EYS: variants seen among roughly 807,000 people sequenced by gnomAD.
The protein encoded by EYS is protein eyes shut homolog.
A neutral mutation model predicts 282.1 loss-of-function variants in EYS; 250 were observed. That is an observed-to-expected ratio of 0.89 (90% CI 0.80 to 0.98). The LOEUF (loss-of-function observed/expected upper bound fraction) is 0.98, where lower values mean the gene tolerates loss of function less well. Ranked by LOEUF, EYS falls within the 50% of genes least tolerant of loss-of-function variation. EYS has a pLI of 0.00. For missense variants in EYS, 4,016 were observed against 3,709.0 expected, an observed-to-expected ratio of 1.08 and a Z score of -2.15; for synonymous variants, 1,355 against 1,282.9, an observed-to-expected ratio of 1.06 and a Z score of -1.20.
At chr6:63,990,301 T>G (rs1767547980) in intron 34 of EYS, among the ~76,000 whole-genome samples, 1 of 151,558 alleles carries the variant, frequency 6.6e-6, no homozygotes, top group Admixed American at 6.6e-5. Flanking sequence ...GAGAGGAATT[T>G]AGAAAACAGT....
chr6:65,640,898 C>T (rs1435915692), intron 1 of EYS, among the ~76,000 whole-genome samples: 1 of 151,446 alleles, frequency 6.6e-6, no homozygotes, highest in African/African-American at 2.4e-5. Flanking sequence ...TTTTTTTTAC[C>T]CTTGGCCAGT....
intron 35 of EYS, among the ~76,000 whole-genome samples, chr6:63,970,859 T>C (rs1021490926): frequency 2.6e-5 from 4 of 152,186 alleles, no homozygotes; most frequent in Non-Finnish European, 5.9e-5. Context: ...TAAAGTATAA[T>C]TTCATAATGG....
chr6:64,151,889 T>G (rs976833467), intron 31 of EYS, among the ~76,000 whole-genome samples: 1 of 152,140 alleles, frequency 6.6e-6, no homozygotes, highest in Non-Finnish European at 1.5e-5. Context: ...AAATATAGAT[T>G]AAAATGGCAC....
At chr6:63,874,393 C>T (rs951091443) in intron 35 of EYS, among the ~76,000 whole-genome samples, 14 of 152,022 alleles carry the variant, frequency 9.2e-5, no homozygotes, top group African/African-American at 2.7e-4. Flanking sequence ...TTTTTGTTAC[C>T]ATAGCCTTGT....
At chr6:65,190,338 T>C (rs1765611610) in intron 12 of EYS, among the ~76,000 whole-genome samples, 1 of 148,864 alleles carries the variant, frequency 6.7e-6, no homozygotes, top group Admixed American at 6.8e-5. Context: ...TTATATTTTA[T>C]ATGAAATATA....
intron 37 of EYS, among the ~76,000 whole-genome samples, chr6:63,800,368 A>C (rs1011632353): frequency 6.6e-6 from 1 of 152,198 alleles, no homozygotes; most frequent in Admixed American, 6.5e-5. Flanking sequence ...TTCTTTAAAA[A>C]ACTGTTGAGT....
intron 26 of EYS, among the ~76,000 whole-genome samples, chr6:64,497,061 T>C (rs1297651044): frequency 6.6e-6 from 1 of 152,104 alleles, no homozygotes; most frequent in Non-Finnish European, 1.5e-5. Context: ...CCCAGTTTAA[T>C]TAAATATATA....
At chr6:64,676,351 T>TAGAGAGAGAG (rs763594847) in intron 22 of EYS, among the ~76,000 whole-genome samples, 10 of 145,462 alleles carry the variant, frequency 6.9e-5, no homozygotes, top group Non-Finnish European at 1.4e-4. Context: ...TATATATATA[T>TAGAGAGAGAG]AGAGAGAGAG....
intron 2 of EYS, among the ~76,000 whole-genome samples, chr6:65,626,413 C>G (rs1766693762): frequency 6.6e-6 from 1 of 152,116 alleles, no homozygotes; most frequent in Non-Finnish European, 1.5e-5. Context: ...TTAGTAATCT[C>G]ATATCACTGG....
At chr6:64,687,615 G>T (rs1052023575) in intron 22 of EYS, among the ~76,000 whole-genome samples, 1 of 152,096 alleles carries the variant, frequency 6.6e-6, no homozygotes, top group Non-Finnish European at 1.5e-5. Context: ...GGCTGGATTC[G>T]GTTTGCCAGT....
intron 12 of EYS, among the ~76,000 whole-genome samples, chr6:65,152,652 A>AT (rs1764640056): frequency 1.3e-5 from 2 of 151,898 alleles, no homozygotes; most frequent in Admixed American, 1.3e-4. Context: ...AGTTTGTGGT[A>AT]TTTTGTTATA....
At chr6:64,485,233 G>T (rs941152496) in intron 26 of EYS, among the ~76,000 whole-genome samples, 1 of 151,560 alleles carries the variant, frequency 6.6e-6, no homozygotes, top group Non-Finnish European at 1.5e-5. Flanking sequence ...GAAGAACAGG[G>T]AAATGTTAGA....
chr6:65,367,509 T>A (rs1434344543), intron 8 of EYS, among the ~76,000 whole-genome samples: 1 of 151,742 alleles, frequency 6.6e-6, no homozygotes, highest in African/African-American at 2.4e-5. Flanking sequence ...AATGTCTATA[T>A]GTTTCCTTTA....
At chr6:65,097,794 A>T (rs1370005194) in intron 12 of EYS, among the ~76,000 whole-genome samples, 1 of 146,178 alleles carries the variant, frequency 6.8e-6, no homozygotes, top group Non-Finnish European at 1.5e-5. Context: ...GAAGTACCTA[A>T]AATAAAATAA....
chr6:64,861,710 T>G (rs918658156), intron 19 of EYS, among the ~76,000 whole-genome samples: 2 of 152,178 alleles, frequency 1.3e-5, no homozygotes, highest in Non-Finnish European at 2.9e-5. Flanking sequence ...AATATAACAT[T>G]CCCACTTCCT....
At chr6:64,549,751 T>A (rs995991695) in intron 26 of EYS, among the ~76,000 whole-genome samples, 6 of 136,688 alleles carry the variant, frequency 4.4e-5, no homozygotes, top group South Asian at 2.4e-4. Context: ...TTTTTTTTTT[T>A]ATACTTTAAG....
intron 31 of EYS, among the ~76,000 whole-genome samples, chr6:64,221,593 T>C (rs549263823): frequency 3.3e-5 from 5 of 152,244 alleles, no homozygotes; most frequent in Non-Finnish European, 5.9e-5. Context: ...CAGTAGTTTT[T>C]CCTTATTTTC....
intron 11 of EYS, 111 bp from the exon 12 acceptor site, chr6:65,296,230 G>A (rs1432251746): frequency 2.6e-6 from 3 of 1,156,196 alleles, no homozygotes; most frequent in African/African-American, 3.2e-5. Flanking sequence ...ATTTAATGAA[G>A]ATAGTTGTGG....
chr6:64,994,430 A>G (rs1771178878), intron 14 of EYS, among the ~76,000 whole-genome samples: 1 of 152,150 alleles, frequency 6.6e-6, no homozygotes, highest in Admixed American at 6.6e-5. Flanking sequence ...TTCAAAGAAG[A>G]TGCAAGCCAC....
Sources: gnomAD v4.1 joint callset for allele counts (sites outside exome capture counted in the v4.1 genomes callset) on GRCh38, gnomAD v4.1.1 for gene constraint, MANE v1.5 for transcripts, NCBI Gene and HGNC (gene_info 2026-07-23, HGNC 2026-07-21) for gene names.